SART3: variants seen among roughly 807,000 people sequenced by gnomAD.
The protein encoded by SART3 is HIV-1 Tat-interacting protein of 110kDa.
In SART3, 44 loss-of-function variants were observed where a neutral mutation model predicts 122.3. The ratio of observed to expected loss-of-function variants is 0.36; its 90% CI spans 0.28 to 0.46. The LOEUF is 0.46. Among genes scored for constraint, SART3 ranks in the 20% least tolerant of loss-of-function variants. The pLI is 1.00. For synonymous variants in SART3, 442 were observed against 454.0 expected, an observed-to-expected ratio of 0.97 and a Z score of 0.34; for missense variants, 1,101 against 1,229.0, an observed-to-expected ratio of 0.90 and a Z score of 1.56.
chr12:108,542,426 A>G (rs1490784033), intron 6 of SART3, among the ~76,000 whole-genome samples: 1 of 152,172 alleles, frequency 6.6e-6, no homozygotes, highest in Non-Finnish European at 1.5e-5. Flanking sequence ...ACTCTTTTTC[A>G]TGTGTACAAG....
intron 12 of SART3, chr12:108,532,689 A>G (rs1872732540): frequency 3.2e-6 from 1 of 314,288 alleles, no homozygotes; most frequent in Admixed American, 4.5e-5. Flanking sequence ...AAATTTTACT[A>G]TGGCGTCCTA....
intron 4 of SART3, 70 bp from the exon 5 acceptor site, chr12:108,544,548 A>C (rs1873315588): frequency 6.2e-7 from 1 of 1,605,828 alleles, no homozygotes. Flanking sequence ...GAAGCAAATT[A>C]GTAGTAAATG....
At position 108,559,569 on chromosome 12, in the gene SART3, G is replaced by A. The variant is rs138314940; in HGVS notation, c.312+1274C>T. On this transcript the variant is annotated intron_variant, in intron 1 of 18. Transcript: ENST00000546815. ...GATCCCAGCTACTGGGGAGGCTGAG[G>A]CAGGAGAATCGCTTGAACCAGGGCG... Among the ~76,000 whole-genome samples the A allele has an allele frequency of 7.5e-3, 1,127 of 150,976 alleles. 11 individuals are homozygous for A. Among genetic ancestry groups the A allele is most frequent in the African/African-American group, 0.026 (1,068 of 41,062 alleles).
At position 108,536,402 on chromosome 12, in the gene SART3, C is replaced by T; in HGVS notation, c.1446+112G>A. 1.4e-5 allele frequency: 15 copies of T among 1,056,282 alleles called. No homozygotes were observed. The South Asian group carries it at 1.8e-4, about 12-fold the overall frequency. 65.4% of individuals were successfully genotyped at this position (1,056,282 alleles called of 1,614,324 possible). ...CATTACCTAGGTAATAACATAAATCCTTATAGAGCTTAGGCCATTATCTGG... is the reference window on the plus strand; with the variant it reads ...CATTACCTAGGTAATAACATAAATCTTTATAGAGCTTAGGCCATTATCTGG... On this transcript the variant is annotated intron_variant, in intron 11 of 18. Coordinates refer to ENST00000546815, the MANE Select transcript of SART3 (RefSeq NM_014706.4).
intron 1 of SART3, among the ~76,000 whole-genome samples, chr12:108,560,019 G>A (rs1404613437): frequency 6.6e-6 from 1 of 152,196 alleles, no homozygotes; most frequent in Non-Finnish European, 1.5e-5. Context: ...AGGTTCTGGA[G>A]TTACCAGCTA....
intron 1 of SART3, among the ~76,000 whole-genome samples, chr12:108,559,991 G>A (rs56400022): frequency 0.025 from 3,777 of 152,236 alleles, 152 homozygotes; most frequent in African/African-American, 0.086. Flanking sequence ...CACCCCTTCC[G>A]GCCCAAAGAT....
intron 11 of SART3, among the ~76,000 whole-genome samples, chr12:108,536,120 A>T (rs1249444425): frequency 6.6e-6 from 1 of 152,236 alleles, no homozygotes; most frequent in Non-Finnish European, 1.5e-5. Flanking sequence ...TGTCTTCTAC[A>T]TTAGATAGAA....
In SART3 at chr12:108,561,148, T is replaced by C. The variant is rs1209464207; in HGVS notation, c.7A>G (p.Thr3Ala). Residue 3 changes from threonine to alanine, a missense_variant, in exon 1 of 19, where the codon ACT becomes GCT. Thr to Ala is a moderately conservative substitution (Grantham distance 58). Around this residue, in one of 2 missense-constraint regions of SART3, gnomAD observed 216 missense variants for 148.9 expected, o/e 1.45. Coordinates refer to ENST00000546815, the MANE Select transcript of SART3 (RefSeq NM_014706.4). ...TCTGAAGCCGAGGTTTCGGCCGCAG[T>C]CGCCATCTTGCGCTTCTAATGACTC... is the stretch of plus-strand genomic sequence containing the variant. MA[T>A]AAETSASEPE... is the part of the protein sequence containing the mutation. 5 of 1,613,006 alleles carry C rather than the reference T, an allele frequency of 3.1e-6. No individual in the cohort carries two copies. In the East Asian group the frequency reaches 8.9e-5, roughly 29 times the overall value.
chr12:108,524,175 A>G, intron 18 of SART3, 141 bp downstream of exon 18: 1 of 809,474 alleles, frequency 1.2e-6, no homozygotes, highest in Middle Eastern at 3.5e-4. Context: ...GTGGAACCAC[A>G]GTGATTACCA....
At chr12:108,559,039 G>GAAAAAAAAAAA (rs747479698) in intron 1 of SART3, among the ~76,000 whole-genome samples, 28 of 103,834 alleles carry the variant, frequency 2.7e-4, no homozygotes, top group South Asian at 6.4e-4. Context: ...TCTCAAAAAA[G>GAAAAAAAAAAA]AAAAAAAAAA....
intron 6 of SART3, among the ~76,000 whole-genome samples, chr12:108,542,362 T>TTG (rs1284487514): frequency 8.5e-5 from 13 of 152,146 alleles, no homozygotes; most frequent in African/African-American, 3.1e-4. Flanking sequence ...GGAAAACACT[T>TTG]TAACATCACC....
intron 5 of SART3, 123 bp downstream of exon 5, chr12:108,544,304 G>C: frequency 3.5e-6 from 3 of 867,928 alleles, no homozygotes; most frequent in Non-Finnish European, 6.0e-6. Flanking sequence ...AATATCCAAG[G>C]AGAGTAAGAA....
intron 1 of SART3, among the ~76,000 whole-genome samples, chr12:108,559,602 T>C (rs2030388906): frequency 7.0e-6 from 1 of 143,238 alleles, no homozygotes; most frequent in Admixed American, 7.4e-5. Context: ...GCGGCAGAGG[T>C]TGCAGTGACA....
chr12:108,537,759 C>T (rs751369692), intron 8 of SART3, 164 bp from the exon 9 acceptor site: 29 of 704,994 alleles, frequency 4.1e-5, no homozygotes, highest in Non-Finnish European at 6.5e-5. Context: ...GTTGCTACAG[C>T]ACTCTACAGA....
intron 1 of SART3, among the ~76,000 whole-genome samples, chr12:108,557,392 A>G (rs2030276577): frequency 1.3e-5 from 2 of 151,976 alleles, no homozygotes; most frequent in African/African-American, 4.8e-5. Context: ...ACCAATCACA[A>G]AATGATCTGC....
chr12:108,554,701 T>C (rs1042001389), intron 1 of SART3, among the ~76,000 whole-genome samples: 2 of 149,130 alleles, frequency 1.3e-5, no homozygotes, highest in Admixed American at 1.3e-4. Flanking sequence ...GTAAATTTAA[T>C]AATACATTAA....
Position 108,526,374 on chromosome 12 carries a change from T to C in SART3, c.2095A>G (p.Ser699Gly). 1 of 1,613,892 alleles carries C rather than the reference T, an allele frequency of 6.2e-7. No homozygotes were observed. The highest frequency in any genetic ancestry group is 8.5e-7 in the Non-Finnish European group (1 of 1,179,758). The change falls in exon 16 of 19, where the codon AGC becomes GGC. Residue 699 changes from serine (S) to glycine (G), a missense_variant. Coordinates refer to ENST00000546815, the MANE Select transcript of SART3 (RefSeq NM_014706.4). ...KRDMPKVLHD[S>G]SKDSITVFVS... ...AAGACGGTGATGCTGTCCTTGCTGC[T>C]GTCGTGCAGCACCTTGGGCATGTCC...
chr12:108,546,063 T>A (rs889861293), intron 3 of SART3, among the ~76,000 whole-genome samples: 4 of 151,886 alleles, frequency 2.6e-5, no homozygotes, highest in Middle Eastern at 3.2e-3. Context: ...AAACTGTGAA[T>A]TCTTCTTGGC....
At chr12:108,549,923 G>C (rs901637308) in intron 1 of SART3, among the ~76,000 whole-genome samples, 4 of 150,772 alleles carry the variant, frequency 2.7e-5, no homozygotes, top group Non-Finnish European at 5.9e-5. Context: ...AGGCTGAAGT[G>C]GATCACCTGA....
Sources: allele counts gnomAD v4.1 joint callset (sites outside exome capture counted in the v4.1 genomes callset), GRCh38; gene constraint gnomAD v4.1.1; regional missense constraint gnomAD v4.1.1; transcripts MANE v1.5; gene names NCBI Gene and HGNC (gene_info 2026-07-23, HGNC 2026-07-21).